The following IDE variants were observed in gnomAD, a reference collection of about 807,000 sequenced individuals.
The protein encoded by IDE is insulin degrading enzyme, also known as insulin-degrading enzyme.
In IDE, 58 loss-of-function variants were observed where a neutral mutation model predicts 133.2. That is an observed-to-expected ratio of 0.44 (90% CI 0.35 to 0.54). The LOEUF (loss-of-function observed/expected upper bound fraction) is 0.54, where lower values mean the gene tolerates loss of function less well. IDE is among the 20% of genes least tolerant of loss of function. The pLI is 0.00. For synonymous variants in IDE, 396 were observed against 421.3 expected (o/e 0.94, Z 0.73); for missense variants, 981 against 1,234.0 (o/e 0.79, Z 3.07).
intron 13 of IDE, among the ~76,000 whole-genome samples, chr10:92,485,125 C>CTTTCTT (rs371286432): frequency 9.9e-6 from 1 of 100,860 alleles, no homozygotes; most frequent in Non-Finnish European, 1.9e-5. Context: ...TTCTTTCTTT[C>CTTTCTT]TTTTTTTTTT....
rs1376036803 is a variant in IDE, at chr10:92,454,393, T to C, written c.*51A>G. 1 of 1,235,054 alleles carries C rather than the reference T, an allele frequency of 8.1e-7. No homozygotes were observed. 76.5% of individuals were successfully genotyped at this position (1,235,054 alleles called of 1,614,324 possible). A position where few individuals can be genotyped will look rare whatever the true frequency, so the allele number is the denominator to read the frequency against. On this transcript the variant is annotated 3_prime_UTR_variant, in exon 25 of 25. Coordinates refer to ENST00000265986, the MANE Select transcript of IDE (RefSeq NM_004969.4). ...TGGCCAAGATGATTTTCTTAGGCTC[T>C]GGAAGACTCAGGAATGCATCCACTT...
chr10:92,573,676 C>A (rs1386044518), intron 1 of IDE, among the ~76,000 whole-genome samples: 1 of 152,248 alleles, frequency 6.6e-6, no homozygotes, highest in Non-Finnish European at 1.5e-5. Flanking sequence ...GGGTAGCGGC[C>A]CCGGCCCCTC....
chr10:92,468,840 A>G (rs1218627232), intron 19 of IDE, 39 bp downstream of exon 19: 1 of 1,094,752 alleles, frequency 9.1e-7, no homozygotes, highest in Non-Finnish European at 1.4e-6. Context: ...CTGTTATGTC[A>G]AAATAGTCCA....
intron 4 of IDE, among the ~76,000 whole-genome samples, chr10:92,517,430 T>C (rs993376105): frequency 2.0e-5 from 3 of 152,122 alleles, no homozygotes; most frequent in Non-Finnish European, 4.4e-5. Context: ...TTGTTTAAGA[T>C]AGGGTCTTAC....
At chr10:92,479,509 C>T in intron 14 of IDE, 88 bp from the exon 15 acceptor site, 1 of 944,102 alleles carries the variant, frequency 1.1e-6, no homozygotes. Flanking sequence ...ATATTGAACA[C>T]CGGTTAATAT....
At chr10:92,471,469 T>C (rs932125387) in intron 17 of IDE, among the ~76,000 whole-genome samples, 1 of 152,236 alleles carries the variant, frequency 6.6e-6, no homozygotes, top group African/African-American at 2.4e-5. Context: ...TTCAAAGTCA[T>C]TAAGCTAGTA....
chr10:92,556,179 CAAAAAAAAAAAAA>C (rs60008680), intron 1 of IDE, among the ~76,000 whole-genome samples: 1 of 69,210 alleles, frequency 1.4e-5, no homozygotes. Context: ...GACTCCGTCT[CAAAAAAAAAAAAA>C]AAAAAAAAGA....
intron 22 of IDE, among the ~76,000 whole-genome samples, chr10:92,456,875 A>G (rs1381188049): frequency 1.7e-5 from 2 of 119,596 alleles, no homozygotes; most frequent in Non-Finnish European, 3.6e-5. Flanking sequence ...AAAAAAAAAG[A>G]AAAAGAAAAA....
chr10:92,479,308 T>C lies in IDE; in HGVS notation c.1853A>G (p.Tyr618Cys), dbSNP rs370339786. The C allele has an allele frequency of 3.0e-5, 49 of 1,613,444 alleles. No individual in the cohort carries two copies. The highest frequency in any genetic ancestry group is 4.0e-5 in the African/African-American group (3 of 74,932). ...CCCATAGATGGTATTTTGGAGATCA[T>C]AGCTCAAGCCTGCTAGCTCTGCTGC... ...AYAAELAGLS[Y>C]DLQNTIYGMY... The change falls in exon 15 of 25, where the codon TAT becomes TGT. Residue 618 changes from tyrosine to cysteine, a missense_variant. This residue lies in a region of IDE where 660 missense variants were observed against 894.7 expected (regional missense o/e 0.74). Coordinates refer to ENST00000265986, the MANE Select transcript of IDE (RefSeq NM_004969.4).
At chr10:92,462,951 C>T (rs919730648) in intron 21 of IDE, among the ~76,000 whole-genome samples, 5 of 152,052 alleles carry the variant, frequency 3.3e-5, no homozygotes, top group African/African-American at 1.2e-4. Flanking sequence ...AATCCCAGCA[C>T]TTTGGGAGCC....
intron 1 of IDE, among the ~76,000 whole-genome samples, chr10:92,547,092 T>C (rs1202762008): frequency 6.6e-6 from 1 of 152,172 alleles, no homozygotes; most frequent in Non-Finnish European, 1.5e-5. Context: ...CTTCTTCTTC[T>C]TTTTTGTAAG....
At position 92,453,807 on chromosome 10, in the gene IDE, G is replaced by C. The variant is rs77798559; in HGVS notation, c.*637C>G. 21 of 152,274 alleles carry C rather than the reference G, an allele frequency of 1.4e-4. No individual in the cohort carries two copies. Among genetic ancestry groups the C allele is most frequent in the Non-Finnish European group, 2.9e-4 (20 of 68,030 alleles). 9.4% of individuals were successfully genotyped at this position (152,274 alleles called of 1,614,324 possible). ...TTAGGACAAAATTGATGTAAGGTAA[G>C]TCTGTATTTCTAGCATTGTAAATAA... On this transcript the variant is annotated 3_prime_UTR_variant, in exon 25 of 25. Coordinates refer to ENST00000265986, the MANE Select transcript of IDE (RefSeq NM_004969.4).
chr10:92,504,873 T>G lies in IDE; in HGVS notation c.1351A>C (p.Thr451Pro), dbSNP rs890047612. The G allele has an allele frequency of 6.4e-7, 1 of 1,559,376 alleles. No individual in the cohort carries two copies. Among genetic ancestry groups the G allele is most frequent in the South Asian group, 1.2e-5 (1 of 84,734 alleles). Residue 451 changes from threonine to proline, a missense_variant, in exon 11 of 25, where the codon ACA (threonine) becomes CCA (proline). Coordinates refer to ENST00000265986, the MANE Select transcript of IDE (RefSeq NM_004969.4). Reference protein sequence around the residue: ...LHYYPLEEVLTAEYLLEEFRP... With the variant: ...LHYYPLEEVLPAEYLLEEFRP... ...AATTCTTCCAGTAAATATTCCGCTG[T>G]GAGCACCTCTTCTAGGGGATAATAC...
chr10:92,458,694 G>A (rs1196041401), intron 22 of IDE, among the ~76,000 whole-genome samples: 2 of 151,856 alleles, frequency 1.3e-5, no homozygotes, highest in Middle Eastern at 3.4e-3. Flanking sequence ...TAGAGACGGG[G>A]TTTCACCATG....
intron 1 of IDE, among the ~76,000 whole-genome samples, chr10:92,566,906 A>G (rs1456193744): frequency 6.6e-6 from 1 of 152,184 alleles, no homozygotes; most frequent in Non-Finnish European, 1.5e-5. Flanking sequence ...AGCTGAATCC[A>G]CTTAGACCCC....
intron 1 of IDE, among the ~76,000 whole-genome samples, chr10:92,563,107 C>T (rs1342321700): frequency 6.6e-6 from 1 of 151,952 alleles, no homozygotes; most frequent in Non-Finnish European, 1.5e-5. Flanking sequence ...AAAAATTAGC[C>T]GGGCGTGGTG....
intron 1 of IDE, among the ~76,000 whole-genome samples, chr10:92,553,532 G>T (rs974034016): frequency 2.0e-5 from 3 of 151,354 alleles, no homozygotes; most frequent in African/African-American, 4.9e-5. Flanking sequence ...ACTAAAGCCA[G>T]ACAAGGACAT....
Position 92,465,846 on chromosome 10 carries a change from A to G in IDE, c.2321-3T>C. 1.2e-6 allele frequency: 2 copies of G among 1,613,664 alleles called. No individual in the cohort carries two copies. The highest frequency in any genetic ancestry group is 1.7e-6 in the Non-Finnish European group (2 of 1,179,800). ...CTGCTGATAAACAAACCATCCTCCT[A>G]GGAAGTTTCAAAAAGACAGCAGCAA... is the stretch of plus-strand genomic sequence containing the variant. On this transcript the variant is annotated splice_region_variant and splice_polypyrimidine_tract_variant and intron_variant, in intron 19 of 24. Coordinates refer to ENST00000265986, the MANE Select transcript of IDE (RefSeq NM_004969.4).
At chr10:92,480,808 G>T in intron 14 of IDE, 1 of 216,976 alleles carries the variant, frequency 4.6e-6, no homozygotes, top group East Asian at 1.8e-4. Flanking sequence ...TGTCCAGGCT[G>T]GTCTCGAACT....
Sources: gnomAD v4.1 joint callset for allele counts (sites outside exome capture counted in the v4.1 genomes callset) on GRCh38, gnomAD v4.1.1 for gene constraint, gnomAD v4.1.1 regional missense constraint, MANE v1.5 for transcripts, NCBI Gene and HGNC (gene_info 2026-07-23, HGNC 2026-07-21) for gene names.